SGK3: variants seen among roughly 807,000 people sequenced by gnomAD.
The protein encoded by SGK3 is serine/threonine-protein kinase Sgk3.
In SGK3, 47 loss-of-function variants were observed where a neutral mutation model predicts 68.5. The ratio of observed to expected loss-of-function variants is 0.69; its 90% CI spans 0.54 to 0.87. SGK3 has a LOEUF of 0.87. Ranked by LOEUF, SGK3 falls within the 40% of genes least tolerant of loss-of-function variation. The pLI, the probability that SGK3 is intolerant of heterozygous loss-of-function variation, is 0.00. For missense variants in SGK3, 479 were observed against 575.5 expected, an observed-to-expected ratio of 0.83 and a Z score of 1.72; for synonymous variants, 181 against 189.1, an observed-to-expected ratio of 0.96 and a Z score of 0.35.
intron 16 of SGK3, among the ~76,000 whole-genome samples, chr8:66,856,310 G>A (rs574905663): frequency 5.3e-5 from 8 of 152,100 alleles, no homozygotes; most frequent in South Asian, 2.1e-4. Flanking sequence ...CTTGTGATCC[G>A]CCTGCCTCAT....
chr8:66,803,390 C>T (rs184674246), intron 3 of SGK3, among the ~76,000 whole-genome samples: 2 of 133,920 alleles, frequency 1.5e-5, no homozygotes, highest in East Asian at 3.9e-4. Context: ...AGTGCAGTGG[C>T]GTAATCACGG....
chr8:66,800,342 A>G (rs1807882868), intron 3 of SGK3, among the ~76,000 whole-genome samples: 3 of 147,006 alleles, frequency 2.0e-5, no homozygotes, highest in Admixed American at 6.8e-5. Context: ...CTCTCTCTCA[A>G]AAAAAAAAAA....
chr8:66,825,982 C>CTT (rs1405303305), intron 6 of SGK3, among the ~76,000 whole-genome samples: 1 of 148,824 alleles, frequency 6.7e-6, no homozygotes, highest in Admixed American at 6.7e-5. Flanking sequence ...CTTCCTTCAT[C>CTT]TTTTTTTTTT....
At chr8:66,713,524 T>C (rs182699212) in intron 1 of SGK3, among the ~76,000 whole-genome samples, 2 of 152,248 alleles carry the variant, frequency 1.3e-5, no homozygotes, top group Non-Finnish European at 2.9e-5. Flanking sequence ...CTACTTAGTG[T>C]GCACTTGGGT....
intron 1 of SGK3, among the ~76,000 whole-genome samples, chr8:66,787,517 G>T (rs754687316): frequency 2.6e-5 from 4 of 152,124 alleles, no homozygotes; most frequent in Non-Finnish European, 5.9e-5. Context: ...TTTTCTGTTG[G>T]GGTTGGGCTG....
At chr8:66,741,589 G>C (rs1346867722) in intron 1 of SGK3, among the ~76,000 whole-genome samples, 1 of 151,650 alleles carries the variant, frequency 6.6e-6, no homozygotes, top group Non-Finnish European at 1.5e-5. Context: ...TGGTGGGGCT[G>C]GGTACAGTGG....
chr8:66,849,415 G>T (rs1306307545), intron 15 of SGK3, among the ~76,000 whole-genome samples: 1 of 152,054 alleles, frequency 6.6e-6, no homozygotes, highest in Non-Finnish European at 1.5e-5. Context: ...CAAACAGCCA[G>T]TTCCTTTTTG....
intron 1 of SGK3, among the ~76,000 whole-genome samples, chr8:66,789,503 A>G (rs773671522): frequency 2.0e-4 from 30 of 152,186 alleles, no homozygotes; most frequent in South Asian, 6.2e-4. Context: ...CTATAATTCT[A>G]TTACTAGGGA....
At chr8:66,804,229 TTA>T (rs1808064029) in intron 3 of SGK3, 144 bp from the exon 4 acceptor site, 3 of 646,994 alleles carry the variant, frequency 4.6e-6, no homozygotes, top group South Asian at 4.6e-5. Flanking sequence ...TTGGTATAAT[TTA>T]TGTTATACTT....
At chr8:66,760,981 C>T (rs1223327261) in intron 1 of SGK3, among the ~76,000 whole-genome samples, 1 of 149,166 alleles carries the variant, frequency 6.7e-6, no homozygotes. Context: ...CTCACCATTG[C>T]ACTCCATCCT....
chr8:66,828,467 A>T (rs1394982946), intron 6 of SGK3, among the ~76,000 whole-genome samples, 187 bp from the exon 7 acceptor site: 1 of 152,200 alleles, frequency 6.6e-6, no homozygotes, highest in East Asian at 1.9e-4. Context: ...GAGAAAAATG[A>T]TTATGTTTTT....
At chr8:66,735,023 T>C (rs1390999933) in intron 1 of SGK3, among the ~76,000 whole-genome samples, 1 of 152,182 alleles carries the variant, frequency 6.6e-6, no homozygotes, top group Non-Finnish European at 1.5e-5. Context: ...CTTTTTTTAC[T>C]GTATGATGTT....
chr8:66,791,416 C>G (rs2130564768), intron 1 of SGK3, among the ~76,000 whole-genome samples: 1 of 152,238 alleles, frequency 6.6e-6, no homozygotes, highest in East Asian at 1.9e-4. Flanking sequence ...CAAACTGGAA[C>G]CTTTGGCTCA....
chr8:66,827,684 G>T (rs1388089665), intron 6 of SGK3, among the ~76,000 whole-genome samples: 1 of 152,016 alleles, frequency 6.6e-6, no homozygotes, highest in African/African-American at 2.4e-5. Context: ...TAATGAACTA[G>T]AATCTTTTAT....
intron 8 of SGK3, among the ~76,000 whole-genome samples, chr8:66,835,424 A>T (rs1007275287): frequency 3.9e-5 from 6 of 152,192 alleles, no homozygotes; most frequent in African/African-American, 1.2e-4. Context: ...TGTAGCCATG[A>T]AGTTTATAAC....
In SGK3 at chr8:66,822,225, T is replaced by C. The variant is rs576571201; in HGVS notation, c.330-147T>C. ...AAAAAAAATTAATTTGCGTATTACA[T>C]TTATAATAATGAATATTAATGGATT... On this transcript the variant is annotated intron_variant, in intron 5 of 16. Transcript: ENST00000521198. 2.4e-4 allele frequency: 147 copies of C among 613,502 alleles called. 1 individual carries two copies. Among genetic ancestry groups the C allele is most frequent in the Admixed American group, 4.9e-4 (12 of 24,434 alleles). The allele number at this position is 613,502 out of a possible 1,614,324, so 38.0% of individuals were successfully genotyped here.
At chr8:66,803,172 G>T (rs75666273) in intron 3 of SGK3, among the ~76,000 whole-genome samples, 3,378 of 152,006 alleles carry the variant, frequency 0.022, 139 homozygotes, top group African/African-American at 0.077. Flanking sequence ...CACATTTTTT[G>T]TGTGTGTGTA....
intron 1 of SGK3, among the ~76,000 whole-genome samples, chr8:66,751,927 G>A (rs1162161278): frequency 6.6e-6 from 1 of 151,890 alleles, no homozygotes; most frequent in Non-Finnish European, 1.5e-5. Flanking sequence ...CACCACAGCC[G>A]GCTAATTTTG....
At chr8:66,766,913 G>A (rs1019581752) in intron 1 of SGK3, among the ~76,000 whole-genome samples, 3 of 152,208 alleles carry the variant, frequency 2.0e-5, no homozygotes, top group Admixed American at 6.5e-5. Context: ...GTGCAGTGGC[G>A]CGATCTCCGC....
Sources: gnomAD v4.1 joint callset for allele counts (sites outside exome capture counted in the v4.1 genomes callset) on GRCh38, gnomAD v4.1.1 for gene constraint, MANE v1.5 for transcripts, NCBI Gene and HGNC (gene_info 2026-07-23, HGNC 2026-07-21) for gene names.